Variants in ASAH1 observed in about 807,000 individuals in gnomAD.
ASAH1 encodes the protein N-acylsphingosine amidohydrolase 1.
Under a neutral mutation model 59.5 loss-of-function variants are expected in ASAH1, and 70 were observed. The observed-to-expected ratio is 1.18, with a 90% CI of 0.97 to 1.43. The LOEUF (loss-of-function observed/expected upper bound fraction) is 1.43. Among genes scored for constraint, ASAH1 ranks in the 40% most tolerant of loss-of-function variants. ASAH1 has a pLI of 0.00. For synonymous variants in ASAH1, 213 were observed against 166.5 expected (o/e 1.28, Z -2.15); for missense variants, 660 against 482.5 (o/e 1.37, Z -3.45).
At chr8:18,076,444 G>A (rs976506814) in intron 1 of ASAH1, 2 of 152,112 alleles carry the variant, frequency 1.3e-5, no homozygotes, top group African/African-American at 4.8e-5. Flanking sequence ...ACTCTTTTAG[G>A]GGAAGTTGTC....
Position 18,083,966 on chromosome 8 carries a change from C to G in ASAH1, c.78+15G>C, listed in dbSNP as rs1178970581. 7 of 1,596,794 alleles carry G rather than the reference C, an allele frequency of 4.4e-6. No individual in the cohort carries two copies. Among genetic ancestry groups the G allele is most frequent in the Non-Finnish European group, 5.9e-6 (7 of 1,179,056 alleles). ...CTGCACGCCCCTCTCTGCGCCTCGGCTCAAGCTCACTCACCGGCGGCGCGT... is the reference window on the plus strand; with the variant it reads ...CTGCACGCCCCTCTCTGCGCCTCGGGTCAAGCTCACTCACCGGCGGCGCGT... On this transcript the variant is annotated intron_variant, in intron 1 of 13. Coordinates refer to ENST00000637790, the MANE Select transcript of ASAH1 (RefSeq NM_177924.5).
At chr8:18,067,040 T>A in intron 5 of ASAH1, 180 bp downstream of exon 5, 2 of 410,838 alleles carry the variant, frequency 4.9e-6, no homozygotes, top group Non-Finnish European at 8.8e-6. Flanking sequence ...TTGATCTGAG[T>A]CATGGCTACA....
chr8:18,084,432 T>A, upstream of ASAH1: 1 of 1,366,584 alleles, frequency 7.3e-7, no homozygotes, highest in Non-Finnish European at 9.5e-7. Context: ...GGGGCGCCTC[T>A]AGCAGGCGGG....
intron 2 of ASAH1, among the ~76,000 whole-genome samples, chr8:18,074,799 C>T (rs1322425509): frequency 6.6e-6 from 1 of 152,158 alleles, no homozygotes; most frequent in Admixed American, 6.5e-5. Context: ...TTGTCCTCGA[C>T]AGCTTTGTTG....
chr8:18,078,407 T>C (rs183208681), intron 1 of ASAH1, among the ~76,000 whole-genome samples: 127 of 152,222 alleles, frequency 8.3e-4, no homozygotes, highest in Admixed American at 1.9e-3. Flanking sequence ...AAACGTGAAA[T>C]TGGCATAGAA....
rs147724920 is a variant in ASAH1, at chr8:18,070,757, G to A, written c.216+543C>T. ...CTCTTTTCCTCTGCTGTCACTTAAC[G>A]TATAGGGCAGAAAGGTATCAAAAGC... On this transcript the variant is annotated intron_variant, in intron 3 of 13. Transcript: ENST00000637790. Among the ~76,000 whole-genome samples the A allele has an allele frequency of 4.6e-3, 708 of 152,298 alleles. 30 individuals are homozygous for A. The highest frequency in any genetic ancestry group is 0.041 in the Admixed American group (629 of 15,298).
At chr8:18,084,659 A>C, upstream of ASAH1, 1 of 1,613,178 alleles carries the variant, frequency 6.2e-7, no homozygotes, top group Non-Finnish European at 8.5e-7. Flanking sequence ...GGGTCCTCCA[A>C]GCTGTTGGTT....
intron 8 of ASAH1, 190 bp from the exon 9 acceptor site, chr8:18,061,930 G>T: frequency 1.5e-6 from 1 of 667,718 alleles, no homozygotes; most frequent in Non-Finnish European, 2.6e-6. Flanking sequence ...GAGATAAGTA[G>T]GTGGGGTATC....
intron 7 of ASAH1, 173 bp from the exon 8 acceptor site, chr8:18,062,596 GA>G: frequency 1.4e-6 from 1 of 722,616 alleles, no homozygotes; most frequent in Non-Finnish European, 2.3e-6. Flanking sequence ...TGATAAAATT[GA>G]GGTTCAGAGA....
At chr8:18,075,474 A>T in intron 2 of ASAH1, 67 bp downstream of exon 2, 3 of 1,461,414 alleles carry the variant, frequency 2.1e-6, no homozygotes, top group Non-Finnish European at 2.9e-6. Flanking sequence ...GTTTATGAGC[A>T]ATTATTACAT....
At chr8:18,081,792 A>T (rs1272825006) in intron 1 of ASAH1, among the ~76,000 whole-genome samples, 1 of 152,240 alleles carries the variant, frequency 6.6e-6, no homozygotes, top group Admixed American at 6.5e-5. Flanking sequence ...ATAGTTTATC[A>T]TATAATGACT....
At chr8:18,080,513 G>T (rs1349957037) in intron 1 of ASAH1, among the ~76,000 whole-genome samples, 1 of 151,996 alleles carries the variant, frequency 6.6e-6, no homozygotes, top group Non-Finnish European at 1.5e-5. Context: ...TAGTTAACCT[G>T]TCCCAGTCTC....
intron 5 of ASAH1, 66 bp downstream of exon 5, chr8:18,067,154 A>ATACAGCT: frequency 6.9e-7 from 1 of 1,440,456 alleles, no homozygotes; most frequent in Non-Finnish European, 9.6e-7. Flanking sequence ...TGTATATCAC[A>ATACAGCT]CCTCAATGGA....
At chr8:18,080,437 G>A (rs1326677472) in intron 1 of ASAH1, among the ~76,000 whole-genome samples, 1 of 152,090 alleles carries the variant, frequency 6.6e-6, no homozygotes, top group African/African-American at 2.4e-5. Context: ...TGCTCCAGTC[G>A]AGGTGACCAA....
intron 6 of ASAH1, 22 bp downstream of exon 6, chr8:18,064,435 C>CGGGG: frequency 2.2e-5 from 25 of 1,139,132 alleles, no homozygotes; most frequent in Non-Finnish European, 3.1e-5. Context: ...ATGCTGCCCA[C>CGGGG]CCTCCCTCAG....
chr8:18,063,983 T>C (rs905809098), intron 6 of ASAH1: 1 of 197,298 alleles, frequency 5.1e-6, no homozygotes, highest in Admixed American at 5.4e-5. Context: ...TTAGCGAAGT[T>C]GTCCTGTGCT....
intron 6 of ASAH1, 25 bp from the exon 7 acceptor site, chr8:18,063,255 C>T (rs759358283): frequency 2.3e-5 from 36 of 1,581,146 alleles, no homozygotes; most frequent in Non-Finnish European, 2.5e-5. Flanking sequence ...ACAGAAGAGA[C>T]GTGTAATAGC....
chr8:18,056,033 T>C lies in ASAH1; in HGVS notation c.*1501A>G, dbSNP rs1288040317. ...TTACTATCAGGCATATCAAAGGTTA[T>C]TACATTAACAAAAAAATACATCAAG... On this transcript the variant is annotated 3_prime_UTR_variant, in exon 14 of 14. Coordinates refer to ENST00000637790, the MANE Select transcript of ASAH1 (RefSeq NM_177924.5). 1 of 152,240 alleles carries C rather than the reference T, an allele frequency of 6.6e-6. No homozygotes were observed. Among genetic ancestry groups the C allele is most frequent in the Non-Finnish European group, 1.5e-5 (1 of 68,042 alleles). 9.4% of individuals were successfully genotyped at this position (152,240 alleles called of 1,614,324 possible). A position where few individuals can be genotyped will look rare whatever the true frequency, so the allele number is the denominator to read the frequency against.
At chr8:18,084,623 GGAGT>G (rs1435743302), upstream of ASAH1, 2 of 1,609,404 alleles carry the variant, frequency 1.2e-6, no homozygotes, top group Admixed American at 1.7e-5. Flanking sequence ...GAGTGGCCGA[GGAGT>G]GAGAGAGAAT....
Sources: gnomAD v4.1 joint callset for allele counts (sites outside exome capture counted in the v4.1 genomes callset) on GRCh38, gnomAD v4.1.1 for gene constraint, MANE v1.5 for transcripts, NCBI Gene and HGNC (gene_info 2026-07-23, HGNC 2026-07-21) for gene names.